Variants in WDR7 observed in about 807,000 individuals in gnomAD.
The protein encoded by WDR7 is WD repeat domain 7.
In WDR7, 46 loss-of-function variants were observed where a neutral mutation model predicts 169.4. That is an observed-to-expected ratio of 0.27 (90% CI 0.21 to 0.35). The LOEUF (loss-of-function observed/expected upper bound fraction) is 0.35. Among genes scored for constraint, WDR7 ranks in the 10% least tolerant of loss-of-function variants. WDR7 has a pLI of 1.00. For synonymous variants in WDR7, 612 were observed against 666.8 expected, an observed-to-expected ratio of 0.92 and a Z score of 1.27; for missense variants, 1,534 against 1,859.3, an observed-to-expected ratio of 0.83 and a Z score of 3.22.
intron 26 of WDR7, among the ~76,000 whole-genome samples, chr18:56,981,240 G>T (rs1156925750): frequency 3.3e-5 from 5 of 152,176 alleles, no homozygotes; most frequent in African/African-American, 4.8e-5. Context: ...TTGGCATGAG[G>T]AGCTGAATAG....
At chr18:56,978,540 A>G (rs1029309174) in intron 26 of WDR7, among the ~76,000 whole-genome samples, 1 of 152,208 alleles carries the variant, frequency 6.6e-6, no homozygotes, top group African/African-American at 2.4e-5. Context: ...GCTTTTGAAA[A>G]TTGCAAAGCC....
chr18:56,945,473 A>C (rs2047091310), intron 25 of WDR7, among the ~76,000 whole-genome samples: 1 of 152,262 alleles, frequency 6.6e-6, no homozygotes, highest in Non-Finnish European at 1.5e-5. Context: ...TGTAGTTTAT[A>C]AACCAGGTAG....
At chr18:57,004,361 G>T (rs1056216873) in intron 26 of WDR7, among the ~76,000 whole-genome samples, 2 of 152,060 alleles carry the variant, frequency 1.3e-5, no homozygotes, top group South Asian at 4.1e-4. Context: ...GTTCCTTGGG[G>T]CTGGCTTGGA....
intron 21 of WDR7, among the ~76,000 whole-genome samples, chr18:56,910,532 G>A (rs1321711105): frequency 6.6e-6 from 1 of 152,070 alleles, no homozygotes; most frequent in African/African-American, 2.4e-5. Context: ...TGCTATTTGT[G>A]ATTTTTCTCC....
intron 26 of WDR7, among the ~76,000 whole-genome samples, chr18:56,984,587 T>G (rs1271019401): frequency 6.6e-6 from 1 of 152,328 alleles, no homozygotes; most frequent in East Asian, 1.9e-4. Context: ...GGTTAAACTT[T>G]GATTTTAATA....
intron 3 of WDR7, among the ~76,000 whole-genome samples, chr18:56,680,510 G>A (rs2025332397): frequency 6.6e-6 from 1 of 152,196 alleles, no homozygotes; most frequent in African/African-American, 2.4e-5. Flanking sequence ...TAAATTGAAT[G>A]CTCTTTGAAA....
intron 12 of WDR7, among the ~76,000 whole-genome samples, chr18:56,705,780 C>T (rs1379114665): frequency 2.6e-5 from 4 of 152,160 alleles, no homozygotes. Context: ...TGGCAGATCA[C>T]AAGGTCAAGA....
chr18:56,895,442 T>A lies in WDR7; in HGVS notation c.3526+15277T>A, dbSNP rs554309478. Among the ~76,000 whole-genome samples the A allele has an allele frequency of 5.3e-5, 8 of 151,260 alleles. No homozygotes were observed. The South Asian group carries it at 1.7e-3, about 32-fold the overall frequency. On this transcript the variant is annotated intron_variant, in intron 21 of 27. Transcript: ENST00000254442. ...CAACTTACCCAATTACCAAAAGCATTAGGGGATAGGAAAAATTTGCTAGAT... is the reference window on the plus strand; with the variant it reads ...CAACTTACCCAATTACCAAAAGCATAAGGGGATAGGAAAAATTTGCTAGAT...
intron 21 of WDR7, among the ~76,000 whole-genome samples, chr18:56,893,774 T>C (rs1451368428): frequency 6.6e-6 from 1 of 152,120 alleles, no homozygotes; most frequent in Non-Finnish European, 1.5e-5. Context: ...GCTCAGTGGC[T>C]ACCTAGGCCC....
intron 21 of WDR7, among the ~76,000 whole-genome samples, chr18:56,915,506 AC>A (rs1340152719): frequency 1.3e-5 from 2 of 152,168 alleles, no homozygotes; most frequent in Non-Finnish European, 2.9e-5. Flanking sequence ...TTAAAATATG[AC>A]CTTTTTCCCC....
intron 26 of WDR7, among the ~76,000 whole-genome samples, chr18:57,003,297 C>G (rs974309233): frequency 6.6e-6 from 1 of 151,946 alleles, no homozygotes; most frequent in Non-Finnish European, 1.5e-5. Context: ...CAATTTAAGA[C>G]TAATGCTATG....
chr18:56,847,624 C>G (rs1371323284), intron 20 of WDR7, among the ~76,000 whole-genome samples: 1 of 152,154 alleles, frequency 6.6e-6, no homozygotes, highest in Admixed American at 6.6e-5. Context: ...AAAGACCTAG[C>G]GACCTAGAAG....
intron 1 of WDR7, among the ~76,000 whole-genome samples, chr18:56,666,029 A>G (rs2025013322): frequency 6.6e-6 from 1 of 151,982 alleles, no homozygotes; most frequent in South Asian, 2.1e-4. Context: ...GGAAGGGTAC[A>G]AGAGCTTGGA....
intron 21 of WDR7, among the ~76,000 whole-genome samples, chr18:56,916,750 G>A (rs1030346241): frequency 1.3e-5 from 2 of 152,126 alleles, no homozygotes; most frequent in Non-Finnish European, 2.9e-5. Context: ...TTTACTGTTT[G>A]TGTGTATGTG....
chr18:56,732,857 G>A lies in WDR7; in HGVS notation c.1989+1260G>A, dbSNP rs142448273. On this transcript the variant is annotated intron_variant, in intron 14 of 27. Coordinates refer to ENST00000254442, the MANE Select transcript of WDR7 (RefSeq NM_015285.3). Reference sequence around the variant, plus strand: ...GACATGATATGTAATTTGATTTTGAGCAAATTTATAAAACAATATGTTTAA... The same window carrying A: ...GACATGATATGTAATTTGATTTTGAACAAATTTATAAAACAATATGTTTAA... 3.6e-3 allele frequency among the ~76,000 whole-genome samples: 542 copies of A among 152,228 alleles called. 1 individual carries two copies. The highest frequency in any genetic ancestry group is 6.8e-3 in the Middle Eastern group (2 of 294).
intron 13 of WDR7, among the ~76,000 whole-genome samples, chr18:56,721,072 G>T (rs1056481507): frequency 1.3e-5 from 2 of 151,842 alleles, no homozygotes; most frequent in African/African-American, 2.4e-5. Flanking sequence ...AATGAAGCTA[G>T]AAAAAATCAG....
At chr18:56,753,810 G>T (rs537353535) in intron 14 of WDR7, among the ~76,000 whole-genome samples, 2 of 152,062 alleles carry the variant, frequency 1.3e-5, no homozygotes, top group East Asian at 1.9e-4. Flanking sequence ...TGGTACTAGG[G>T]CCTATTTGTT....
chr18:56,691,101 G>A (rs922948919), intron 7 of WDR7, 115 bp from the exon 8 acceptor site: 42 of 1,422,538 alleles, frequency 3.0e-5, no homozygotes, highest in Non-Finnish European at 3.6e-5. Context: ...ATCTGATGCA[G>A]CAAACTGAGT....
chr18:56,887,110 A>G (rs1157957310), intron 21 of WDR7, among the ~76,000 whole-genome samples: 1 of 152,190 alleles, frequency 6.6e-6, no homozygotes, highest in African/African-American at 2.4e-5. Context: ...AATTAGGGGA[A>G]AAAAGGGATT....
Sources: gnomAD v4.1 joint callset for allele counts (sites outside exome capture counted in the v4.1 genomes callset) on GRCh38, gnomAD v4.1.1 for gene constraint, MANE v1.5 for transcripts, NCBI Gene and HGNC (gene_info 2026-07-23, HGNC 2026-07-21) for gene names.